Variants in MICAL2 observed in about 807,000 individuals in gnomAD.
The protein encoded by MICAL2 is [F-actin]-monooxygenase MICAL2.
Under a neutral mutation model 127.3 loss-of-function variants are expected in MICAL2, and 77 were observed. That is an observed-to-expected ratio of 0.60 (90% CI 0.50 to 0.73). MICAL2 has a LOEUF of 0.73. Ranked by LOEUF, MICAL2 falls within the 30% of genes least tolerant of loss-of-function variation. The probability of loss-of-function intolerance (pLI) is 0.00; values close to 1 mark genes in which losing one functional copy is unlikely to be tolerated. For missense variants in MICAL2, 1,351 were observed against 1,434.4 expected, an observed-to-expected ratio of 0.94 and a Z score of 0.94; for synonymous variants, 570 against 551.1, an observed-to-expected ratio of 1.03 and a Z score of -0.48.
rs373408795 is a variant in MICAL2, at chr11:12,354,735, T to C, written c.5616-49T>C. 37 of 1,538,680 alleles carry C rather than the reference T, an allele frequency of 2.4e-5. No individual in the cohort carries two copies. The African/African-American group carries it at 4.5e-4, about 19-fold the overall frequency. On this transcript the variant is annotated intron_variant, in intron 33 of 34. Coordinates refer to the MICAL2 transcript ENST00000646065. ...CTCAATGGGCTTATTCATCAATGTT[T>C]CCTCACAAATCTATAGTATTCATAA...
At chr11:12,323,468 A>G (rs1010409299) in intron 30 of MICAL2, among the ~76,000 whole-genome samples, 7 of 152,076 alleles carry the variant, frequency 4.6e-5, no homozygotes, top group African/African-American at 1.7e-4. Context: ...ATGTCTGTCT[A>G]CTTGCCTACC....
At chr11:12,314,449 C>T (rs1021025230) in intron 29 of MICAL2, among the ~76,000 whole-genome samples, 15 of 151,642 alleles carry the variant, frequency 9.9e-5, no homozygotes, top group African/African-American at 3.6e-4. Context: ...TCTCTTATCT[C>T]CTTCTGGATA....
At chr11:12,266,502 A>C (rs1863610744), downstream of MICAL2, among the ~76,000 whole-genome samples, 1 of 152,216 alleles carries the variant, frequency 6.6e-6, no homozygotes. Flanking sequence ...CCCCCCAGCC[A>C]GCTGTTATAT....
chr11:12,339,582 C>G (rs928215357), intron 32 of MICAL2, among the ~76,000 whole-genome samples: 3 of 152,148 alleles, frequency 2.0e-5, no homozygotes, highest in African/African-American at 7.2e-5. Context: ...GTGGTTTTAT[C>G]TACCTTTGGT....
At chr11:12,314,192 T>A (rs1864206209) in intron 29 of MICAL2, among the ~76,000 whole-genome samples, 1 of 151,930 alleles carries the variant, frequency 6.6e-6, no homozygotes, top group Non-Finnish European at 1.5e-5. Flanking sequence ...ATATTTGGGT[T>A]TAAATCTATC....
At chr11:12,221,882 C>T (rs1856856740) in intron 10 of MICAL2, 123 bp downstream of exon 10, 3 of 666,714 alleles carry the variant, frequency 4.5e-6, no homozygotes, top group African/African-American at 1.8e-5. Context: ...ATTCTACCTT[C>T]CCATGTGTGG....
At chr11:12,323,609 A>G (rs1189362361) in intron 30 of MICAL2, among the ~76,000 whole-genome samples, 2 of 152,124 alleles carry the variant, frequency 1.3e-5, no homozygotes, top group African/African-American at 4.8e-5. Context: ...CCAGCTACAG[A>G]CCTACACATA....
At chr11:12,297,515 AT>A (rs1469543449) in intron 29 of MICAL2, among the ~76,000 whole-genome samples, 1 of 152,004 alleles carries the variant, frequency 6.6e-6, no homozygotes. Context: ...CTTATGTAAA[AT>A]TTCTAGCTTT....
chr11:12,131,121 G>T (rs1851379561), intron 1 of MICAL2, among the ~76,000 whole-genome samples: 1 of 87,386 alleles, frequency 1.1e-5, no homozygotes, highest in Non-Finnish European at 2.8e-5. Flanking sequence ...GTGAAACCCC[G>T]TCTCTACTAA....
chr11:12,345,187 G>T (rs1265978591), intron 32 of MICAL2, among the ~76,000 whole-genome samples: 1 of 151,976 alleles, frequency 6.6e-6, no homozygotes, highest in East Asian at 1.9e-4. Flanking sequence ...GAGATTACTA[G>T]AAACCACTCG....
chr11:12,265,824 G>T (rs1036557510), downstream of MICAL2, among the ~76,000 whole-genome samples: 8 of 152,130 alleles, frequency 5.3e-5, no homozygotes, highest in Non-Finnish European at 4.4e-5. Context: ...AATTAATTAT[G>T]GTGCACATGG....
At chr11:12,294,070 A>G (rs764174708), downstream of MICAL2, 5 of 1,614,028 alleles carry the variant, frequency 3.1e-6, no homozygotes, top group South Asian at 3.3e-5. Context: ...TTTCCCAGAA[A>G]AGTGCTGAGA....
intron 3 of MICAL2, among the ~76,000 whole-genome samples, chr11:12,203,349 T>G (rs1242915093): frequency 1.3e-5 from 2 of 152,228 alleles, no homozygotes; most frequent in Non-Finnish European, 2.9e-5. Flanking sequence ...CACACTGTTT[T>G]CATGTATCTG....
intron 27 of MICAL2, chr11:12,263,357 G>A (rs981330668): frequency 3.3e-5 from 5 of 152,260 alleles, no homozygotes; most frequent in East Asian, 1.9e-4. Flanking sequence ...CACTCTTAAC[G>A]AGAAACAACA....
intron 1 of MICAL2, among the ~76,000 whole-genome samples, chr11:12,111,987 G>A (rs1481913372): frequency 6.6e-6 from 1 of 152,176 alleles, no homozygotes; most frequent in Non-Finnish European, 1.5e-5. Flanking sequence ...GTGCCTACTG[G>A]GCAACAGGTC....
intron 24 of MICAL2, among the ~76,000 whole-genome samples, chr11:12,270,759 C>CTGTG (rs1863665526): frequency 6.6e-6 from 1 of 152,196 alleles, no homozygotes; most frequent in Non-Finnish European, 1.5e-5. Context: ...CCATTAGGAG[C>CTGTG]TGTGTGACAT....
At chr11:12,342,682 A>C (rs1304484127) in intron 32 of MICAL2, among the ~76,000 whole-genome samples, 1 of 152,244 alleles carries the variant, frequency 6.6e-6, no homozygotes, top group East Asian at 1.9e-4. Context: ...AGCATTTGAC[A>C]TGCGTCAGCT....
At chr11:12,303,522 G>T (rs1330478806) in intron 29 of MICAL2, 2 of 152,166 alleles carry the variant, frequency 1.3e-5, no homozygotes, top group African/African-American at 4.8e-5. Flanking sequence ...TCTGAACAGA[G>T]ACATACTATA....
intron 2 of MICAL2, among the ~76,000 whole-genome samples, chr11:12,148,063 A>G (rs2403572): frequency 0.46 from 69,830 of 151,952 alleles, 17,012 homozygotes; most frequent in South Asian, 0.68. Context: ...CCGCCCTGGT[A>G]CCACCTTCTC....
Sources: allele counts gnomAD v4.1 joint callset (sites outside exome capture counted in the v4.1 genomes callset), GRCh38; gene constraint gnomAD v4.1.1; transcripts MANE v1.5; gene names NCBI Gene and HGNC (gene_info 2026-07-23, HGNC 2026-07-21).